POU3F3: variants seen among roughly 807,000 people sequenced by gnomAD.
POU3F3 encodes the protein POU domain, class 3, transcription factor 3.
A neutral mutation model predicts 8.6 loss-of-function variants in POU3F3; 1 was observed. The ratio of observed to expected loss-of-function variants is 0.12; its 90% confidence interval spans 0.04 to 0.55. The LOEUF is 0.55. Among genes scored for constraint, POU3F3 ranks in the 20% least tolerant of loss-of-function variants. The probability of loss-of-function intolerance (pLI) is 0.91; values close to 1 mark genes in which losing one functional copy is unlikely to be tolerated. For synonymous variants in POU3F3, 418 were observed against 327.4 expected (o/e 1.28, Z -2.99); for missense variants, 577 against 690.7 (o/e 0.84, Z 1.84).
At chr2:104,879,797 G>T in the POU3F3 span, among the ~76,000 whole-genome samples, 197 of 152,270 alleles carry the variant, frequency 1.3e-3, no homozygotes, top group African/African-American at 4.5e-3. Flanking sequence ...GTGTATCCAG[G>T]TTGCAGAAAC....
the POU3F3 span, among the ~76,000 whole-genome samples, chr2:104,898,961 A>G: frequency 1.3e-5 from 2 of 152,224 alleles, no homozygotes; most frequent in Non-Finnish European, 2.9e-5. Context: ...TAAAATAGAT[A>G]CAGAAAGTTA....
At chr2:104,890,613 C>G in the POU3F3 span, among the ~76,000 whole-genome samples, 1 of 152,142 alleles carries the variant, frequency 6.6e-6, no homozygotes, top group Non-Finnish European at 1.5e-5. Flanking sequence ...TTCTCTGTGG[C>G]TATCCTGGGT....
the POU3F3 span, among the ~76,000 whole-genome samples, chr2:104,881,141 T>TCTTTCTTTCTTTCTTTCTTTCTTG: frequency 6.6e-6 from 1 of 151,140 alleles, no homozygotes; most frequent in Non-Finnish European, 1.5e-5. Context: ...TTTCTTTCTT[T>TCTTTCTTTCTTTCTTTCTTTCTTG]CTTTCTTTCC....
At chr2:104,924,602 A>C in the POU3F3 span, among the ~76,000 whole-genome samples, 1 of 152,238 alleles carries the variant, frequency 6.6e-6, no homozygotes, top group Non-Finnish European at 1.5e-5. Context: ...ACACTATGAA[A>C]TAATTGTCGA....
At chr2:104,918,750 C>A in the POU3F3 span, among the ~76,000 whole-genome samples, 1 of 152,146 alleles carries the variant, frequency 6.6e-6, no homozygotes, top group Non-Finnish European at 1.5e-5. Flanking sequence ...GACACTAAGC[C>A]ACATAGTTTG....
chr2:104,902,008 G>T, the POU3F3 span, among the ~76,000 whole-genome samples: 2 of 152,168 alleles, frequency 1.3e-5, no homozygotes, highest in Non-Finnish European at 1.5e-5. Context: ...ACAGACTGTA[G>T]ATGTTCACCA....
At chr2:104,892,717 GGAGA>G in the POU3F3 span, among the ~76,000 whole-genome samples, 3 of 149,522 alleles carry the variant, frequency 2.0e-5, no homozygotes, top group Admixed American at 1.3e-4. Context: ...ACACACATAT[GGAGA>G]GAGAGAGAGA....
chr2:104,857,748 A>G lies in POU3F3; in HGVS notation c.*735A>G, dbSNP rs1676601211. The G allele has an allele frequency of 6.7e-6, 1 of 149,546 alleles. No individual in the cohort carries two copies. The highest frequency in any genetic ancestry group is 1.5e-5 in the Non-Finnish European group (1 of 67,104). The allele number at this position is 149,546 out of a possible 1,614,324, so 9.3% of individuals were successfully genotyped here. On this transcript the variant is annotated 3_prime_UTR_variant, in exon 1 of 1. Coordinates refer to ENST00000361360, the MANE Select transcript of POU3F3 (RefSeq NM_006236.3). ...ACTCTGAAATGGGAAGGAGGGGGGAAAAACAGTCTCCAAGAAAAAAATAAT... is the reference window on the plus strand; with the variant it reads ...ACTCTGAAATGGGAAGGAGGGGGGAGAAACAGTCTCCAAGAAAAAAATAAT...
the POU3F3 span, among the ~76,000 whole-genome samples, chr2:104,869,497 G>A: frequency 5.3e-5 from 8 of 152,228 alleles, no homozygotes; most frequent in African/African-American, 1.7e-4. Flanking sequence ...TGTAAGGTAA[G>A]TGGAGGGGGT....
chr2:104,860,752 CTTTTTTTT>C (rs1178339577), downstream of POU3F3, among the ~76,000 whole-genome samples: 3 of 50,242 alleles, frequency 6.0e-5, no homozygotes, highest in East Asian at 1.2e-3. Context: ...GTTGCTCTGC[CTTTTTTTT>C]TTTTTTTTTT....
At chr2:104,884,502 A>G in the POU3F3 span, among the ~76,000 whole-genome samples, 1 of 152,178 alleles carries the variant, frequency 6.6e-6, no homozygotes, top group Non-Finnish European at 1.5e-5. Flanking sequence ...CCTCAAGCCA[A>G]CTCAAGAAGA....
the POU3F3 span, among the ~76,000 whole-genome samples, chr2:104,889,763 T>A: frequency 6.6e-6 from 1 of 152,260 alleles, no homozygotes; most frequent in Non-Finnish European, 1.5e-5. Context: ...ACATGGCAAG[T>A]GCCAGGCAAA....
chr2:104,878,122 G>A, the POU3F3 span, among the ~76,000 whole-genome samples: 1 of 152,206 alleles, frequency 6.6e-6, no homozygotes, highest in East Asian at 1.9e-4. Flanking sequence ...CTGATTAGTA[G>A]CTGGTTGCCT....
Position 104,858,211 on chromosome 2 carries a change from T to C in POU3F3, c.*1198T>C, listed in dbSNP as rs1466491825. The C allele has an allele frequency of 1.3e-5, 2 of 152,236 alleles. No individual in the cohort carries two copies. The highest frequency in any genetic ancestry group is 2.9e-5 in the Non-Finnish European group (2 of 68,042). The allele number at this position is 152,236 out of a possible 1,614,324, so 9.4% of individuals were successfully genotyped here. A position where few individuals can be genotyped will look rare whatever the true frequency, so the allele number is the denominator to read the frequency against. ...TGAATGGGTGCTGTGGATGTGATTA[T>C]ATAATACTGCCATTTCCAAGCAGTG... On this transcript the variant is annotated 3_prime_UTR_variant, in exon 1 of 1. Transcript: ENST00000361360.
the POU3F3 span, among the ~76,000 whole-genome samples, chr2:104,923,138 C>T: frequency 1.3e-5 from 2 of 152,124 alleles, no homozygotes; most frequent in African/African-American, 2.4e-5. Flanking sequence ...CCTGAAAGAA[C>T]AGCTGAAAGG....
the POU3F3 span, among the ~76,000 whole-genome samples, chr2:104,890,648 T>C: frequency 6.6e-6 from 1 of 152,138 alleles, no homozygotes; most frequent in Non-Finnish European, 1.5e-5. Context: ...GTCAGTGCTT[T>C]TCAGTTAAGG....
the POU3F3 span, among the ~76,000 whole-genome samples, chr2:104,869,080 G>A: frequency 1.3e-5 from 2 of 152,248 alleles, no homozygotes. Context: ...AAAAACCTCA[G>A]TGGAATGAAA....
the POU3F3 span, among the ~76,000 whole-genome samples, chr2:104,901,363 G>A: frequency 4.6e-5 from 7 of 152,294 alleles, no homozygotes; most frequent in South Asian, 4.1e-4. Flanking sequence ...AAATTGGAGC[G>A]ATCGATATGT....
At chr2:104,878,104 G>C in the POU3F3 span, among the ~76,000 whole-genome samples, 1 of 152,198 alleles carries the variant, frequency 6.6e-6, no homozygotes, top group Non-Finnish European at 1.5e-5. Flanking sequence ...AGACTAACCA[G>C]AAACTGGCTG....
Sources: allele counts gnomAD v4.1 joint callset (sites outside exome capture counted in the v4.1 genomes callset), GRCh38; gene constraint gnomAD v4.1.1; transcripts MANE v1.5; gene names NCBI Gene and HGNC (gene_info 2026-07-23, HGNC 2026-07-21).